Variants in BZW2 observed in about 807,000 individuals in gnomAD.
BZW2 encodes basic leucine zipper and W2 domains 2.
In BZW2, 23 loss-of-function variants were observed where a neutral mutation model predicts 53.2. The ratio of observed to expected loss-of-function variants is 0.43; its 90% CI spans 0.31 to 0.61. The LOEUF is 0.61. Among genes scored for constraint, BZW2 ranks in the 20% least tolerant of loss-of-function variants. The probability of loss-of-function intolerance (pLI) is 0.09; values close to 1 mark genes in which losing one functional copy is unlikely to be tolerated. For missense variants in BZW2, 409 were observed against 503.1 expected (o/e 0.81, Z 1.79); for synonymous variants, 227 against 186.4 (o/e 1.22, Z -1.77).
chr7:16,685,004 T>C (rs544146698), intron 5 of BZW2, among the ~76,000 whole-genome samples: 1 of 152,306 alleles, frequency 6.6e-6, no homozygotes, highest in East Asian at 1.9e-4. Context: ...CGCAAAATAA[T>C]GGAAAATCAG....
intron 5 of BZW2, among the ~76,000 whole-genome samples, chr7:16,683,703 G>A (rs942438864): frequency 3.3e-5 from 5 of 152,132 alleles, no homozygotes; most frequent in African/African-American, 1.2e-4. Context: ...TGTAACTCCT[G>A]TATTTATATA....
chr7:16,705,940 G>A, intron 11 of BZW2, 120 bp from the exon 12 acceptor site: 1 of 1,067,752 alleles, frequency 9.4e-7, no homozygotes, highest in East Asian at 2.4e-5. Flanking sequence ...CTTATAATGG[G>A]TGCCTAGGGT....
chr7:16,701,965 C>G (rs1783682096), intron 10 of BZW2, among the ~76,000 whole-genome samples: 1 of 152,126 alleles, frequency 6.6e-6, no homozygotes, highest in Non-Finnish European at 1.5e-5. Context: ...GAAGTGAAGG[C>G]TCTCAAGGTA....
chr7:16,671,930 C>CA lies in BZW2; in HGVS notation c.59-2465dup, dbSNP rs56356463. On this transcript the variant is annotated intron_variant, in intron 2 of 11. Transcript: ENST00000258761. ...TGGGTGACAGAGTGAGACCCTGTTT[C>CA]AAAAAAAAAAAAAAAAATCGGAACA... 7.1e-3 allele frequency among the ~76,000 whole-genome samples: 707 copies of CA among 99,348 alleles called. 19 individuals carry two copies. Among genetic ancestry groups the CA allele is most frequent in the East Asian group, 0.07 (244 of 3,506 alleles). The allele number at this position is 99,348 out of a possible 152,430, so 65.2% of individuals were successfully genotyped here.
Sources: allele counts gnomAD v4.1 joint callset (sites outside exome capture counted in the v4.1 genomes callset), GRCh38; gene constraint gnomAD v4.1.1; transcripts MANE v1.5; gene names NCBI Gene and HGNC (gene_info 2026-07-23, HGNC 2026-07-21).